CCDC178: variants seen among roughly 807,000 people sequenced by gnomAD.
CCDC178 encodes the protein coiled-coil domain containing 178, also known as coiled-coil domain-containing protein 178.
A neutral mutation model predicts 117.4 loss-of-function variants in CCDC178; 126 were observed. The ratio of observed to expected loss-of-function variants is 1.07; its 90% CI spans 0.93 to 1.24. CCDC178 has a LOEUF of 1.24. Among genes scored for constraint, CCDC178 ranks in the 50% most tolerant of loss-of-function variants. The pLI is 0.00. For synonymous variants in CCDC178, 283 were observed against 313.4 expected, an observed-to-expected ratio of 0.90 and a Z score of 1.02; for missense variants, 1,030 against 986.9, an observed-to-expected ratio of 1.04 and a Z score of -0.59.
chr18:33,228,309 C>A (rs1241391213), intron 15 of CCDC178, among the ~76,000 whole-genome samples: 3 of 151,960 alleles, frequency 2.0e-5, no homozygotes, highest in African/African-American at 7.3e-5. Flanking sequence ...TCCATTCATT[C>A]TTTGAAGTTT....
intron 16 of CCDC178, 67 bp downstream of exon 16, chr18:33,226,726 A>G: frequency 8.3e-7 from 1 of 1,203,894 alleles, no homozygotes; most frequent in Non-Finnish European, 1.2e-6. Flanking sequence ...ATTACAGGCA[A>G]ATTTAAAATG....
intron 9 of CCDC178, among the ~76,000 whole-genome samples, chr18:33,339,522 T>C (rs1247458583): frequency 6.6e-6 from 1 of 151,036 alleles, no homozygotes; most frequent in African/African-American, 2.4e-5. Context: ...TATAAATTAC[T>C]GAAAATGACT....
At chr18:33,262,260 C>G (rs1205778967) in intron 14 of CCDC178, among the ~76,000 whole-genome samples, 1 of 152,166 alleles carries the variant, frequency 6.6e-6, no homozygotes, top group Admixed American at 6.6e-5. Context: ...TAACATCTAT[C>G]TCAATGACTA....
chr18:33,364,722 G>A (rs1350967733), intron 6 of CCDC178, among the ~76,000 whole-genome samples: 2 of 140,096 alleles, frequency 1.4e-5, no homozygotes, highest in African/African-American at 5.4e-5. Context: ...AAGCATTTCT[G>A]TTGTCGCTCC....
chr18:33,035,655 C>T (rs540671228), intron 21 of CCDC178, among the ~76,000 whole-genome samples: 48 of 152,002 alleles, frequency 3.2e-4, no homozygotes, highest in African/African-American at 1.1e-3. Flanking sequence ...AGAATACAAA[C>T]TTTCAGTTAT....
chr18:32,946,714 G>GT (rs1256850787), intron 22 of CCDC178, among the ~76,000 whole-genome samples: 16 of 35,276 alleles, frequency 4.5e-4, no homozygotes, highest in South Asian at 1.4e-3. Context: ...GATCGTTGTG[G>GT]TTTTTTGGGT....
At chr18:33,419,135 GCA>G (rs1339809810) in intron 2 of CCDC178, among the ~76,000 whole-genome samples, 1 of 152,128 alleles carries the variant, frequency 6.6e-6, no homozygotes, top group Admixed American at 6.5e-5. Context: ...AAATAAAGCT[GCA>G]CACTTTCAAC....
intron 6 of CCDC178, among the ~76,000 whole-genome samples, chr18:33,361,292 A>G (rs578016936): frequency 1.3e-5 from 2 of 151,892 alleles, no homozygotes; most frequent in South Asian, 4.1e-4. Context: ...TTCTATCACC[A>G]ACAGAATGAA....
chr18:33,415,816 A>G (rs2063932530), intron 2 of CCDC178, among the ~76,000 whole-genome samples: 1 of 152,186 alleles, frequency 6.6e-6, no homozygotes, highest in Non-Finnish European at 1.5e-5. Flanking sequence ...TGTAAGTACA[A>G]TAAAAAAAAC....
At chr18:33,144,420 C>T (rs2144312791) in intron 20 of CCDC178, among the ~76,000 whole-genome samples, 1 of 152,160 alleles carries the variant, frequency 6.6e-6, no homozygotes, top group South Asian at 2.1e-4. Context: ...TATAATGGGT[C>T]ATACTTTAAT....
chr18:32,980,195 T>C (rs2055119766), intron 21 of CCDC178, among the ~76,000 whole-genome samples: 1 of 152,160 alleles, frequency 6.6e-6, no homozygotes. Flanking sequence ...CCACATTTAA[T>C]TTTTTTAAGT....
At chr18:33,322,032 A>G (rs1196428199) in intron 11 of CCDC178, among the ~76,000 whole-genome samples, 1 of 152,002 alleles carries the variant, frequency 6.6e-6, no homozygotes, top group Non-Finnish European at 1.5e-5. Flanking sequence ...AAAAAAGGTC[A>G]ATTCCTAATG....
At chr18:33,165,195 A>G (rs778118702) in intron 20 of CCDC178, among the ~76,000 whole-genome samples, 9 of 152,038 alleles carry the variant, frequency 5.9e-5, no homozygotes, top group African/African-American at 9.7e-5. Context: ...AAAAACAAAG[A>G]CAAAAAAAAA....
chr18:33,035,404 T>G (rs947022723), intron 21 of CCDC178, among the ~76,000 whole-genome samples: 1 of 151,900 alleles, frequency 6.6e-6, no homozygotes, highest in Non-Finnish European at 1.5e-5. Flanking sequence ...ATCACATATA[T>G]CCACACACAC....
chr18:33,061,266 T>G (rs983194562), intron 21 of CCDC178, among the ~76,000 whole-genome samples: 3 of 152,058 alleles, frequency 2.0e-5, no homozygotes, highest in African/African-American at 7.2e-5. Context: ...GACATTAATA[T>G]GCAAATGTAT....
intron 20 of CCDC178, among the ~76,000 whole-genome samples, chr18:33,124,553 C>A (rs1466051703): frequency 2.6e-5 from 4 of 152,152 alleles, no homozygotes; most frequent in Non-Finnish European, 4.4e-5. Flanking sequence ...GTAATGATAA[C>A]TAACTTTAGT....
chr18:33,191,166 C>A (rs1432840712), intron 20 of CCDC178, among the ~76,000 whole-genome samples: 1 of 152,068 alleles, frequency 6.6e-6, no homozygotes, highest in East Asian at 1.9e-4. Context: ...TCACTGACCT[C>A]AAGTTTGGGT....
At chr18:32,959,056 A>G (rs1014387027) in intron 22 of CCDC178, among the ~76,000 whole-genome samples, 4 of 152,148 alleles carry the variant, frequency 2.6e-5, no homozygotes, top group African/African-American at 9.7e-5. Flanking sequence ...TACAATTATC[A>G]AGTCAGATAT....
At chr18:33,086,527 G>T (rs1351426641) in intron 21 of CCDC178, among the ~76,000 whole-genome samples, 1 of 151,596 alleles carries the variant, frequency 6.6e-6, no homozygotes, top group East Asian at 1.9e-4. Context: ...AAGTCAATCA[G>T]TAGTAAATAG....
Sources: allele counts gnomAD v4.1 joint callset (sites outside exome capture counted in the v4.1 genomes callset), GRCh38; gene constraint gnomAD v4.1.1; transcripts MANE v1.5; gene names NCBI Gene and HGNC (gene_info 2026-07-23, HGNC 2026-07-21).